TTC28: variants seen among roughly 807,000 people sequenced by gnomAD.
TTC28 encodes tetratricopeptide repeat domain 28, also known as tetratricopeptide repeat protein 28.
A neutral mutation model predicts 198.0 loss-of-function variants in TTC28; 61 were observed. The ratio of observed to expected loss-of-function variants is 0.31; its 90% confidence interval spans 0.25 to 0.38. The LOEUF is 0.38. Among genes scored for constraint, TTC28 ranks in the 10% least tolerant of loss-of-function variants. The pLI, the probability that TTC28 is intolerant of heterozygous loss-of-function variation, is 1.00. For synonymous variants in TTC28, 1,171 were observed against 1,297.8 expected (o/e 0.90, Z 2.10); for missense variants, 2,678 against 3,164.0 (o/e 0.85, Z 3.69).
intron 5 of TTC28, among the ~76,000 whole-genome samples, chr22:28,227,125 G>T (rs1053588398): frequency 2.0e-5 from 3 of 152,048 alleles, no homozygotes; most frequent in East Asian, 3.9e-4. Flanking sequence ...TAGAGATGGG[G>T]TCTCACTATA....
chr22:28,431,739 A>T (rs1165715907), intron 2 of TTC28, among the ~76,000 whole-genome samples: 1 of 152,222 alleles, frequency 6.6e-6, no homozygotes, highest in Non-Finnish European at 1.5e-5. Flanking sequence ...GCACTTCGGG[A>T]GGCCAAGGCA....
chr22:28,186,991 A>C (rs550528430), intron 5 of TTC28, among the ~76,000 whole-genome samples: 8 of 152,264 alleles, frequency 5.3e-5, no homozygotes, highest in African/African-American at 1.7e-4. Flanking sequence ...TATTTTACCT[A>C]ATTTTATAGG....
chr22:28,621,113 CT>C (rs1164156559), intron 2 of TTC28, among the ~76,000 whole-genome samples: 1 of 152,190 alleles, frequency 6.6e-6, no homozygotes, highest in Non-Finnish European at 1.5e-5. Flanking sequence ...ACAAAAGTGT[CT>C]TCAACATTAT....
chr22:28,319,056 G>A (rs1411993598), intron 2 of TTC28, among the ~76,000 whole-genome samples: 1 of 151,932 alleles, frequency 6.6e-6, no homozygotes, highest in Admixed American at 6.6e-5. Flanking sequence ...TTGAACGCCT[G>A]GACTTAAGCG....
chr22:28,360,975 G>C (rs1180123355), intron 2 of TTC28, among the ~76,000 whole-genome samples: 5 of 152,150 alleles, frequency 3.3e-5, no homozygotes, highest in Non-Finnish European at 7.4e-5. Context: ...GCCTATAGAA[G>C]ATGGCAAACT....
chr22:28,508,826 C>T (rs992236452), intron 2 of TTC28, among the ~76,000 whole-genome samples: 25 of 151,960 alleles, frequency 1.6e-4, no homozygotes, highest in East Asian at 1.9e-4. Context: ...ATCATCGAGA[C>T]GGAAAATTAA....
At chr22:27,987,208 G>C (rs972108905) in intron 21 of TTC28, among the ~76,000 whole-genome samples, 1 of 152,222 alleles carries the variant, frequency 6.6e-6, no homozygotes, top group African/African-American at 2.4e-5. Context: ...AGTATCAGTG[G>C]CTCTTGGAAA....
intron 2 of TTC28, among the ~76,000 whole-genome samples, chr22:28,412,184 T>G (rs565840735): frequency 6.6e-6 from 1 of 152,324 alleles, no homozygotes; most frequent in Admixed American, 6.5e-5. Flanking sequence ...ATCTGTTCTT[T>G]AGAAGATGAA....
At chr22:28,167,471 C>A (rs920215258) in intron 5 of TTC28, among the ~76,000 whole-genome samples, 7 of 152,230 alleles carry the variant, frequency 4.6e-5, no homozygotes. Flanking sequence ...AGCTTATACA[C>A]CACGATCACG....
At chr22:28,346,704 A>C (rs935934401) in intron 2 of TTC28, among the ~76,000 whole-genome samples, 8 of 152,188 alleles carry the variant, frequency 5.3e-5, no homozygotes, top group African/African-American at 1.9e-4. Context: ...CTGTAACGCA[A>C]GACTCTTTAC....
At chr22:28,247,130 C>T (rs1930163067) in intron 5 of TTC28, among the ~76,000 whole-genome samples, 3 of 152,104 alleles carry the variant, frequency 2.0e-5, no homozygotes. Flanking sequence ...TAAGTATAAG[C>T]AATAGATGAT....
At chr22:28,648,099 C>T (rs182167189) in intron 1 of TTC28, among the ~76,000 whole-genome samples, 140 of 151,262 alleles carry the variant, frequency 9.3e-4, no homozygotes, top group Middle Eastern at 3.4e-3. Context: ...TAGTGGGCGC[C>T]TGTAGTCCCA....
intron 5 of TTC28, among the ~76,000 whole-genome samples, chr22:28,183,726 T>C (rs951265721): frequency 3.3e-5 from 5 of 152,208 alleles, no homozygotes; most frequent in African/African-American, 1.2e-4. Flanking sequence ...ATTATAATGA[T>C]ACTAGTTTTC....
Position 27,982,607 on chromosome 22 carries a change from C to A in TTC28, c.7060G>T (p.Val2354Leu). 6.4e-7 allele frequency: 1 copy of A among 1,551,670 alleles called. No individual in the cohort carries two copies. The highest frequency in any genetic ancestry group is 8.7e-7 in the Non-Finnish European group (1 of 1,147,022). ...KLKMAAIDEK[V>L]QAVHNLKMFW... ...ATCTTCAGGTTATGGACAGCCTGCA[C>A]CTTTTCATCAATGGCTGCCATTTTC... Residue 2354 changes from valine to leucine, a missense_variant, in exon 23 of 23, where the codon GTG becomes TTG. By Grantham distance (32) the Val-to-Leu change is conservative (BLOSUM62 1). Around this residue, in one of 8 missense-constraint regions of TTC28, gnomAD observed 622 missense variants for 656.0 expected, o/e 0.95. Coordinates refer to ENST00000397906, the MANE Select transcript of TTC28 (RefSeq NM_001145418.2). The surrounding 1 kb of genome is among the most constrained non-coding windows in gnomAD (Gnocchi z 5.2).
chr22:28,628,730 A>T lies in TTC28; in HGVS notation c.381+822T>A, dbSNP rs149543161. 1.6e-4 allele frequency among the ~76,000 whole-genome samples: 25 copies of T among 152,276 alleles called. No homozygotes were observed. The East Asian group carries it at 4.1e-3, about 25-fold the overall frequency. On this transcript the variant is annotated intron_variant, in intron 2 of 22. Transcript: ENST00000397906. ...CGAGGCAGGCAGATTGCTTGAGCTC[A>T]GGAGTTCGAGACCAGCCTGGGCAAC... is the stretch of plus-strand genomic sequence containing the variant.
rs112036687 is a variant in TTC28 at position 28,635,096 on chromosome 22, C to T, written c.103-5266G>A. 3.1e-4 allele frequency among the ~76,000 whole-genome samples: 47 copies of T among 152,058 alleles called. 2 individuals carry two copies. Among genetic ancestry groups the T allele is most frequent in the African/African-American group, 9.6e-4 (40 of 41,526 alleles). ...CAACACTTTGGGAGGCTGAGGCGGG[C>T]GGATCACGAGGTCAGGAGATCGAGA... On this transcript the variant is annotated intron_variant, in intron 1 of 22. Transcript: ENST00000397906.
In TTC28 at chr22:27,999,154, C is replaced by T. The variant is rs770397215; in HGVS notation, c.4505G>A (p.Gly1502Glu). ...PSAVMDRWLWGPMPSAEEEAY... is the reference protein window; with the variant it reads ...PSAVMDRWLWEPMPSAEEEAY... ...CTCTTCCTCGGCCGATGGCATGGGC[C>T]CCCACAGCCACCTGTCCATCACGGC... Residue 1502 changes from glycine to glutamate, a missense_variant, in exon 16 of 23, where the codon GGG becomes GAG. Around this residue, in one of 8 missense-constraint regions of TTC28, gnomAD observed 727 missense variants for 861.9 expected, o/e 0.84. Transcript: ENST00000397906. 6.4e-7 allele frequency: 1 copy of T among 1,550,666 alleles called. No homozygotes were observed. The highest frequency in any genetic ancestry group is 8.7e-7 in the Non-Finnish European group (1 of 1,146,990).
At chr22:28,609,013 T>C (rs1182017950) in intron 2 of TTC28, among the ~76,000 whole-genome samples, 3 of 151,562 alleles carry the variant, frequency 2.0e-5, no homozygotes, top group Non-Finnish European at 2.9e-5. Context: ...GAAACACAAA[T>C]AGAAACAGGA....
chr22:28,167,372 A>T (rs1478206255), intron 5 of TTC28, among the ~76,000 whole-genome samples: 1 of 152,250 alleles, frequency 6.6e-6, no homozygotes, highest in Non-Finnish European at 1.5e-5. Context: ...TACAACAAAA[A>T]GAGAATTTTA....
Sources: allele counts gnomAD v4.1 joint callset (sites outside exome capture counted in the v4.1 genomes callset), GRCh38; gene constraint gnomAD v4.1.1; regional missense constraint gnomAD v4.1.1; non-coding constraint Gnocchi (gnomAD v3.1); transcripts MANE v1.5; gene names NCBI Gene and HGNC (gene_info 2026-07-23, HGNC 2026-07-21).